MKLN1: variants seen among roughly 807,000 people sequenced by gnomAD.
The protein encoded by MKLN1 is muskelin.
In MKLN1, 18 loss-of-function variants were observed where a neutral mutation model predicts 99.0. The observed-to-expected ratio is 0.18, with a 90% confidence interval of 0.13 to 0.27. The LOEUF (loss-of-function observed/expected upper bound fraction) is 0.27. Among genes scored for constraint, MKLN1 ranks in the 10% least tolerant of loss-of-function variants. The pLI, the probability that MKLN1 is intolerant of heterozygous loss-of-function variation, is 1.00. For synonymous variants in MKLN1, 288 were observed against 293.2 expected (o/e 0.98, Z 0.18); for missense variants, 621 against 875.9 (o/e 0.71, Z 3.67).
chr7:131,233,361 C>T (rs1797270802), intron 3 of MKLN1, among the ~76,000 whole-genome samples: 1 of 133,088 alleles, frequency 7.5e-6, no homozygotes, highest in African/African-American at 2.7e-5. Flanking sequence ...CAGAAGGAGA[C>T]CCTGTCTCCA....
chr7:131,195,151 A>G (rs1584824861), intron 2 of MKLN1, among the ~76,000 whole-genome samples: 1 of 152,142 alleles, frequency 6.6e-6, no homozygotes, highest in Non-Finnish European at 1.5e-5. Context: ...CTGGCACCCC[A>G]TTTACAATTT....
intron 3 of MKLN1, among the ~76,000 whole-genome samples, chr7:131,275,493 C>G (rs376637345): frequency 7.6e-6 from 1 of 130,930 alleles, no homozygotes; most frequent in African/African-American, 2.9e-5. Context: ...CTCAGCCTCC[C>G]GAGCAGCTGC....
chr7:131,385,821 T>C (rs181037089), intron 2 of MKLN1, among the ~76,000 whole-genome samples: 9 of 152,240 alleles, frequency 5.9e-5, no homozygotes, highest in Admixed American at 5.9e-4. Context: ...TTCTATAGGG[T>C]GTCTTTTCAC....
intron 12 of MKLN1, among the ~76,000 whole-genome samples, chr7:131,451,160 C>A (rs770877159): frequency 4.6e-5 from 7 of 151,980 alleles, no homozygotes; most frequent in Non-Finnish European, 1.0e-4. Flanking sequence ...TATTTAAATT[C>A]CCACATTTTT....
rs188673922 is a variant in MKLN1, at chr7:131,373,260, T to C, written c.99-2164T>C. ...TGGGACTAATTTTATAGGGACAATA[T>C]ATATGTTTATCTTAATCTCCAATTT... On this transcript the variant is annotated intron_variant, in intron 1 of 17. Transcript: ENST00000352689. Among the ~76,000 whole-genome samples, 4 of 152,204 alleles carry C rather than the reference T, an allele frequency of 2.6e-5. No individual in the cohort carries two copies. The East Asian group carries it at 7.7e-4, about 29-fold the overall frequency.
chr7:131,110,354 C>G (rs1795173854), intron 1 of MKLN1: 1 of 161,626 alleles, frequency 6.2e-6, no homozygotes, highest in Admixed American at 6.5e-5. Context: ...ATAAGGATGT[C>G]CAGCCAAACG....
At chr7:131,226,372 C>T (rs1443492130) in intron 3 of MKLN1, among the ~76,000 whole-genome samples, 1 of 152,198 alleles carries the variant, frequency 6.6e-6, no homozygotes, top group Non-Finnish European at 1.5e-5. Context: ...CATTTTGCTC[C>T]TCCCTAACCA....
intron 2 of MKLN1, among the ~76,000 whole-genome samples, chr7:131,170,680 A>G (rs1796202161): frequency 6.6e-6 from 1 of 152,136 alleles, no homozygotes; most frequent in Non-Finnish European, 1.5e-5. Flanking sequence ...TTTGTAACTC[A>G]TGGAGCTGTC....
intron 3 of MKLN1, among the ~76,000 whole-genome samples, chr7:131,270,725 A>G (rs1462238154): frequency 6.6e-6 from 1 of 152,226 alleles, no homozygotes; most frequent in Non-Finnish European, 1.5e-5. Flanking sequence ...AGCAAAGAAT[A>G]ATAGATATAA....
intron 1 of MKLN1, among the ~76,000 whole-genome samples, chr7:131,351,957 T>C (rs879336963): frequency 3.1e-4 from 47 of 152,228 alleles, no homozygotes; most frequent in Non-Finnish European, 4.0e-4. Context: ...GTAATTTTCC[T>C]GGATAAAATT....
rs1273985936 is a variant in MKLN1, at chr7:131,480,012, C to T, written c.2086+1335C>T. 3.6e-5 allele frequency among the ~76,000 whole-genome samples: 5 copies of T among 137,282 alleles called. 1 individual carries two copies. In the East Asian group the frequency reaches 1.1e-3, roughly 30 times the overall value. 90.1% of individuals were successfully genotyped at this position (137,282 alleles called of 152,430 possible). Reference sequence around the variant, plus strand: ...CTCCAGCCTGGGCGACAGAGGAAGACTCCATCTCAAAAAAAAAAAAAAAAA... The same window carrying T: ...CTCCAGCCTGGGCGACAGAGGAAGATTCCATCTCAAAAAAAAAAAAAAAAA... On this transcript the variant is annotated intron_variant, in intron 17 of 17. Transcript: ENST00000352689.
intron 3 of MKLN1, among the ~76,000 whole-genome samples, chr7:131,260,283 AATCC>A (rs1433031223): frequency 6.6e-6 from 1 of 152,082 alleles, no homozygotes; most frequent in Non-Finnish European, 1.5e-5. Context: ...GAGCTCAAGC[AATCC>A]ATCCACCTCA....
intron 17 of MKLN1, 85 bp downstream of exon 17, chr7:131,478,762 G>C: frequency 7.0e-7 from 1 of 1,420,524 alleles, no homozygotes; most frequent in Non-Finnish European, 9.8e-7. Context: ...GAAACATCAG[G>C]TGAGATGTTT....
chr7:131,116,384 A>C, intron 1 of MKLN1, among the ~76,000 whole-genome samples: 1 of 152,036 alleles, frequency 6.6e-6, no homozygotes, highest in Non-Finnish European at 1.5e-5. Flanking sequence ...TCTGAGCCTC[A>C]CTTTGTAGTT....
chr7:131,478,566 AGT>A (rs1797027934), intron 16 of MKLN1, 55 bp from the exon 17 acceptor site: 1 of 1,458,818 alleles, frequency 6.9e-7, no homozygotes, highest in Non-Finnish European at 9.0e-7. Context: ...ATTTTCCTTC[AGT>A]GCACTTAGCC....
intron 1 of MKLN1, among the ~76,000 whole-genome samples, chr7:131,111,085 C>T (rs966484988): frequency 2.6e-5 from 4 of 152,184 alleles, no homozygotes; most frequent in African/African-American, 9.7e-5. Flanking sequence ...TGATTATTCC[C>T]TTCCATTGCA....
At chr7:131,141,000 G>A (rs1795724147) in intron 1 of MKLN1, among the ~76,000 whole-genome samples, 1 of 152,058 alleles carries the variant, frequency 6.6e-6, no homozygotes, top group African/African-American at 2.4e-5. Context: ...TAGCCAGGAT[G>A]GTCTCCATCT....
intron 3 of MKLN1, among the ~76,000 whole-genome samples, chr7:131,208,580 C>CCCT (rs1563252843): frequency 1.7e-4 from 26 of 152,148 alleles, no homozygotes. Context: ...GCCTAGGTGA[C>CCCT]AGAGTGAGAC....
chr7:131,234,681 A>C (rs990044741), intron 3 of MKLN1, among the ~76,000 whole-genome samples: 4 of 152,224 alleles, frequency 2.6e-5, no homozygotes, highest in East Asian at 3.8e-4. Context: ...ATGGCAAGCC[A>C]TTCTCAATTC....
Sources: gnomAD v4.1 joint callset for allele counts (sites outside exome capture counted in the v4.1 genomes callset) on GRCh38, gnomAD v4.1.1 for gene constraint, MANE v1.5 for transcripts, NCBI Gene and HGNC (gene_info 2026-07-23, HGNC 2026-07-21) for gene names.